KALRN: variants seen among roughly 807,000 people sequenced by gnomAD.
The protein encoded by KALRN is kalirin.
A neutral mutation model predicts 353.7 loss-of-function variants in KALRN; 70 were observed. The observed-to-expected ratio is 0.20, with a 90% CI of 0.16 to 0.24. KALRN has a LOEUF of 0.24. KALRN is among the 10% of genes least tolerant of loss of function. KALRN has a pLI of 1.00. For synonymous variants in KALRN, 1,391 were observed against 1,434.8 expected (o/e 0.97, Z 0.69); for missense variants, 2,791 against 3,756.7 (o/e 0.74, Z 6.72).
intron 1 of KALRN, among the ~76,000 whole-genome samples, chr3:124,193,929 C>A (rs943247653): frequency 1.3e-5 from 2 of 152,040 alleles, no homozygotes; most frequent in Admixed American, 1.3e-4. Flanking sequence ...GTGAAAGGAA[C>A]TAAAAAGGTA....
chr3:124,444,848 A>T (rs1052370057), intron 19 of KALRN, among the ~76,000 whole-genome samples: 1 of 151,934 alleles, frequency 6.6e-6, no homozygotes, highest in Non-Finnish European at 1.5e-5. Flanking sequence ...AGAGAGAAAG[A>T]AAAAAAAGCA....
At chr3:124,268,699 C>T in intron 4 of KALRN, 44 bp from the exon 5 acceptor site, 1 of 1,597,738 alleles carries the variant, frequency 6.3e-7, no homozygotes, top group Non-Finnish European at 8.6e-7. Flanking sequence ...CCTGTTCTTC[C>T]CCTGACATCA....
At chr3:124,584,709 G>C (rs1277983412) in intron 34 of KALRN, 3 of 1,479,098 alleles carry the variant, frequency 2.0e-6, no homozygotes, top group Non-Finnish European at 2.7e-6. Context: ...AGAGCACAGC[G>C]GGGAGGGCGG....
chr3:124,201,159 G>C (rs575662689), intron 1 of KALRN, among the ~76,000 whole-genome samples: 1 of 152,244 alleles, frequency 6.6e-6, no homozygotes, highest in Non-Finnish European at 1.5e-5. Context: ...CAAAGGCCAC[G>C]TATAAGACAA....
At chr3:124,478,863 C>T (rs1682776901) in intron 27 of KALRN, among the ~76,000 whole-genome samples, 1 of 152,212 alleles carries the variant, frequency 6.6e-6, no homozygotes, top group Non-Finnish European at 1.5e-5. Flanking sequence ...GCTCACACCG[C>T]TCTCTCTGCC....
Position 124,033,878 on chromosome 3 carries a change from C to T in KALRN, c.73+65C>T, listed in dbSNP as rs902906585. 6.6e-5 allele frequency among the ~76,000 whole-genome samples: 10 copies of T among 152,254 alleles called. No homozygotes were observed. Among genetic ancestry groups the T allele is most frequent in the African/African-American group, 2.4e-4 (10 of 41,562 alleles). On this transcript the variant is annotated intron_variant, in intron 1 of 59. Coordinates refer to ENST00000682506, the MANE Select transcript of KALRN (RefSeq NM_001388419.1). This position sits in a 1 kb window ranked among gnomAD's most constrained non-coding sequence, Gnocchi z 6.2. ...ACTGCCTCGGACGCGGCGTCTCGGA[C>T]AAGTTTGGGGAAGGAGGGCTGTTGC...
chr3:124,315,448 G>A (rs2078714230), intron 6 of KALRN, among the ~76,000 whole-genome samples: 2 of 152,122 alleles, frequency 1.3e-5, no homozygotes, highest in South Asian at 4.1e-4. Flanking sequence ...GGTTGGCACT[G>A]CCTGGCTCAA....
At chr3:124,159,125 C>G (rs1295619568) in intron 1 of KALRN, among the ~76,000 whole-genome samples, 1 of 152,160 alleles carries the variant, frequency 6.6e-6, no homozygotes, top group East Asian at 1.9e-4. Flanking sequence ...TTATTTGTAC[C>G]TCTATGCCTT....
chr3:124,455,152 A>G, intron 21 of KALRN, 25 bp from the exon 22 acceptor site: 1 of 1,613,166 alleles, frequency 6.2e-7, no homozygotes. Flanking sequence ...GTAATCCAGT[A>G]ACTTAAGGCC....
intron 9 of KALRN, 127 bp from the exon 10 acceptor site, chr3:124,347,016 A>C: frequency 7.1e-7 from 1 of 1,405,504 alleles, no homozygotes; most frequent in Non-Finnish European, 9.8e-7. Flanking sequence ...GACCATTTCC[A>C]CCTGAACTGC....
At chr3:124,232,292 G>A (rs1177996277) in intron 2 of KALRN, among the ~76,000 whole-genome samples, 1 of 152,154 alleles carries the variant, frequency 6.6e-6, no homozygotes, top group Non-Finnish European at 1.5e-5. Context: ...GTCCTACCCA[G>A]TCCTACTGTC....
chr3:124,432,867 C>T (rs1282310410), intron 16 of KALRN, among the ~76,000 whole-genome samples: 1 of 152,148 alleles, frequency 6.6e-6, no homozygotes, highest in African/African-American at 2.4e-5. Context: ...ATATAGGCCA[C>T]TTAGTCTCGA....
At chr3:124,193,170 C>T (rs2150329564) in intron 1 of KALRN, among the ~76,000 whole-genome samples, 1 of 152,264 alleles carries the variant, frequency 6.6e-6, no homozygotes, top group African/African-American at 2.4e-5. Flanking sequence ...GACTGCATTT[C>T]CCAGGCTCCA....
intron 1 of KALRN, among the ~76,000 whole-genome samples, chr3:124,106,225 A>G (rs2062297925): frequency 6.6e-6 from 1 of 152,194 alleles, no homozygotes; most frequent in Admixed American, 6.5e-5. Context: ...AAGAGTGCTT[A>G]GAAAATGATT....
At chr3:124,067,274 C>T (rs1288072789) in intron 1 of KALRN, among the ~76,000 whole-genome samples, 1 of 152,058 alleles carries the variant, frequency 6.6e-6, no homozygotes, top group East Asian at 1.9e-4. Context: ...TTCCTACATC[C>T]CTGACCTTGA....
chr3:124,382,574 G>T (rs2087551689), intron 10 of KALRN, among the ~76,000 whole-genome samples: 1 of 152,174 alleles, frequency 6.6e-6, no homozygotes. Context: ...CTTACGTGTG[G>T]TAGACAGTTC....
chr3:124,666,543 G>A lies in KALRN; in HGVS notation c.6440G>A (p.Arg2147His), dbSNP rs149338497. The change falls in exon 46 of 60, where the codon CGC (arginine) becomes CAC (histidine). Residue 2147 changes from arginine to histidine, a missense_variant. Arg to His is a conservative substitution (Grantham distance 29). Transcript: ENST00000682506. The stretch of plus-strand genomic sequence containing the variant: ...ATGCAGTCCCGGACCAAAGAGAGGC[G>A]CGTGTTCCTCTTCGAGCAGATTGTC... ...AGMQSRTKERRVFLFEQIVIF... is the reference protein window; with the variant it reads ...AGMQSRTKERHVFLFEQIVIF... The A allele has an allele frequency of 9.5e-5, 153 of 1,613,898 alleles. No homozygotes were observed. In the African/African-American group the frequency reaches 1.5e-3, roughly 16 times the overall value.
chr3:124,176,926 C>T (rs558288101), intron 1 of KALRN, among the ~76,000 whole-genome samples: 17 of 152,272 alleles, frequency 1.1e-4, no homozygotes, highest in South Asian at 4.1e-4. Flanking sequence ...CCACACTATT[C>T]GCAATGCAAA....
intron 45 of KALRN, among the ~76,000 whole-genome samples, chr3:124,662,193 C>CT (rs10549005): frequency 0.038 from 3,641 of 96,728 alleles, 290 homozygotes; most frequent in Middle Eastern, 0.076. Flanking sequence ...ACCCAGAATT[C>CT]TTTTTTTTTT....
Sources: gnomAD v4.1 joint callset for allele counts (sites outside exome capture counted in the v4.1 genomes callset) on GRCh38, gnomAD v4.1.1 for gene constraint, Gnocchi (gnomAD v3.1) non-coding constraint, MANE v1.5 for transcripts, NCBI Gene and HGNC (gene_info 2026-07-23, HGNC 2026-07-21) for gene names.